POMK: variants seen among roughly 807,000 people sequenced by gnomAD.
POMK encodes protein O-mannose kinase.
A neutral mutation model predicts 23.0 loss-of-function variants in POMK; 19 were observed. The observed-to-expected ratio is 0.83, with a 90% CI of 0.58 to 1.21. The LOEUF is 1.21. Ranked by LOEUF, POMK falls within the 50% of genes most tolerant of loss-of-function variation. The pLI, the probability that POMK is intolerant of heterozygous loss-of-function variation, is 0.00. For synonymous variants in POMK, 173 were observed against 171.6 expected, an observed-to-expected ratio of 1.01 and a Z score of -0.06; for missense variants, 410 against 431.3, an observed-to-expected ratio of 0.95 and a Z score of 0.44.
intron 4 of POMK, among the ~76,000 whole-genome samples, chr8:43,111,034 G>T (rs1345666359): frequency 6.6e-6 from 1 of 152,194 alleles, no homozygotes; most frequent in African/African-American, 2.4e-5. Flanking sequence ...TTCCAACTGA[G>T]GTACCAGGTT....
At chr8:43,115,916 G>T (rs989640436) in intron 4 of POMK, among the ~76,000 whole-genome samples, 1 of 152,160 alleles carries the variant, frequency 6.6e-6, no homozygotes, top group Non-Finnish European at 1.5e-5. Context: ...GAAGCCTGTG[G>T]GCATGCTGCC....
At chr8:43,109,869 T>C (rs1230474678) in intron 4 of POMK, among the ~76,000 whole-genome samples, 1 of 152,248 alleles carries the variant, frequency 6.6e-6, no homozygotes, top group Non-Finnish European at 1.5e-5. Flanking sequence ...TTATGAATCT[T>C]TTATAACCCT....
chr8:43,115,320 C>T (rs1196214191), intron 4 of POMK, among the ~76,000 whole-genome samples: 1 of 152,182 alleles, frequency 6.6e-6, no homozygotes, highest in Non-Finnish European at 1.5e-5. Context: ...TGTGCAGAGA[C>T]TGCTTCCCTG....
chr8:43,120,679 C>CTT (rs35296604), intron 4 of POMK, among the ~76,000 whole-genome samples: 16 of 140,686 alleles, frequency 1.1e-4, no homozygotes, highest in South Asian at 2.3e-4. Flanking sequence ...TAATTTCTTT[C>CTT]TTTTTTTTTT....
intron 1 of POMK, 25 bp from the exon 2 acceptor site, chr8:43,097,499 T>A (rs1268133131): frequency 6.6e-6 from 1 of 152,160 alleles, no homozygotes; most frequent in Non-Finnish European, 1.5e-5. Context: ...GATTTTTTTT[T>A]TCTCTGTGTG....
intron 3 of POMK, 75 bp downstream of exon 3, chr8:43,102,675 G>T (rs1398442538): frequency 6.6e-6 from 1 of 152,404 alleles, no homozygotes; most frequent in Non-Finnish European, 1.5e-5. Context: ...TGTTTAGCTG[G>T]CTCCCACTGG....
intron 4 of POMK, among the ~76,000 whole-genome samples, chr8:43,119,350 C>G (rs557604324): frequency 1.3e-5 from 2 of 150,214 alleles, no homozygotes; most frequent in South Asian, 4.2e-4. Flanking sequence ...TTAAAAAAAT[C>G]TTGAACTTTT....
chr8:43,103,950 T>A, intron 4 of POMK, 120 bp downstream of exon 4: 1 of 1,001,590 alleles, frequency 1.0e-6, no homozygotes, highest in Non-Finnish European at 1.5e-6. Context: ...TGCCAAAGTG[T>A]ACTCCATTGC....
intron 4 of POMK, among the ~76,000 whole-genome samples, chr8:43,109,053 TTAATACA>T (rs1162695524): frequency 6.6e-6 from 1 of 152,256 alleles, no homozygotes; most frequent in African/African-American, 2.4e-5. Flanking sequence ...CTGCATGATT[TTAATACA>T]TTAAATAAGC....
chr8:43,109,337 C>T (rs942849840), intron 4 of POMK, among the ~76,000 whole-genome samples: 3 of 152,034 alleles, frequency 2.0e-5, no homozygotes, highest in Non-Finnish European at 2.9e-5. Context: ...CTCTCTCTCC[C>T]CTCCCCCTTT....
At chr8:43,120,679 CTT>C (rs35296604) in intron 4 of POMK, among the ~76,000 whole-genome samples, 34 of 140,576 alleles carry the variant, frequency 2.4e-4, no homozygotes, top group Non-Finnish European at 2.2e-4. Context: ...TAATTTCTTT[CTT>C]TTTTTTTTTT....
chr8:43,113,921 A>G (rs564012586), intron 4 of POMK, among the ~76,000 whole-genome samples: 3 of 152,346 alleles, frequency 2.0e-5, no homozygotes, highest in South Asian at 2.1e-4. Context: ...GCTGCAGAAC[A>G]GCGGATTTTC....
chr8:43,100,239 C>T (rs984629471), intron 2 of POMK, among the ~76,000 whole-genome samples: 1 of 152,006 alleles, frequency 6.6e-6, no homozygotes, highest in Non-Finnish European at 1.5e-5. Context: ...GAGCAGGGCT[C>T]AGAGCATGTG....
chr8:43,114,964 C>G (rs761473098), intron 4 of POMK, among the ~76,000 whole-genome samples: 2 of 152,082 alleles, frequency 1.3e-5, no homozygotes, highest in Non-Finnish European at 2.9e-5. Flanking sequence ...AATGAAATGA[C>G]TTATTGAAGG....
At chr8:43,109,912 G>A (rs1020011216) in intron 4 of POMK, among the ~76,000 whole-genome samples, 9 of 152,224 alleles carry the variant, frequency 5.9e-5, no homozygotes, top group Middle Eastern at 3.4e-3. Flanking sequence ...GAACAAAACT[G>A]TTTTAAGAAA....
rs1811465168 is a variant in POMK at position 43,102,540 on chromosome 8, G to C, written c.-82G>C. 1 of 152,440 alleles carries C rather than the reference G, an allele frequency of 6.6e-6. No individual in the cohort carries two copies. 9.4% of individuals were successfully genotyped at this position (152,440 alleles called of 1,614,324 possible). A position where few individuals can be genotyped will look rare whatever the true frequency, so the allele number is the denominator to read the frequency against. On this transcript the variant is annotated 5_prime_UTR_variant, in exon 3 of 5. Coordinates refer to ENST00000331373, the MANE Select transcript of POMK (RefSeq NM_032237.5). Reference sequence around the variant, plus strand: ...GACCAGTCCCTGGGCGCCAACTAGAGTATGGACTGACCAGGTACCTGGATG... The same window carrying C: ...GACCAGTCCCTGGGCGCCAACTAGACTATGGACTGACCAGGTACCTGGATG...
intron 4 of POMK, among the ~76,000 whole-genome samples, chr8:43,119,470 C>G (rs1175874211): frequency 2.5e-5 from 3 of 122,300 alleles, no homozygotes; most frequent in Non-Finnish European, 4.8e-5. Flanking sequence ...GACGAAGTCT[C>G]TAACCAGGCT....
Position 43,108,050 on chromosome 8 carries a change from C to A in POMK, c.282+4220C>A, listed in dbSNP as rs561796940. 2.6e-5 allele frequency among the ~76,000 whole-genome samples: 4 copies of A among 152,326 alleles called. No individual in the cohort carries two copies. In the South Asian group the frequency reaches 8.3e-4, roughly 32 times the overall value. On this transcript the variant is annotated intron_variant, in intron 4 of 4. Transcript: ENST00000331373. ...TGGAACTCTGTTCCATAAGGAATCT[C>A]AGATAAGACTTTCTAAAGCTGAGTC...
chr8:43,110,565 C>T (rs1296160766), intron 4 of POMK, among the ~76,000 whole-genome samples: 1 of 152,200 alleles, frequency 6.6e-6, no homozygotes, highest in East Asian at 1.9e-4. Context: ...AAACATCCCT[C>T]TTTTTAAACA....
Sources: allele counts gnomAD v4.1 joint callset (sites outside exome capture counted in the v4.1 genomes callset), GRCh38; gene constraint gnomAD v4.1.1; transcripts MANE v1.5; gene names NCBI Gene and HGNC (gene_info 2026-07-23, HGNC 2026-07-21).